Variants in IMMP2L observed in about 807,000 individuals in gnomAD.
The protein encoded by IMMP2L is inner mitochondrial membrane peptidase subunit 2.
IMMP2L carries 18 observed loss-of-function variants against 19.3 expected under a neutral mutation model. The ratio of observed to expected loss-of-function variants is 0.93; its 90% confidence interval spans 0.64 to 1.38. The LOEUF (loss-of-function observed/expected upper bound fraction) is 1.38. IMMP2L is among the 40% of genes most tolerant of loss of function. The pLI is 0.00. For missense variants in IMMP2L, 233 were observed against 218.2 expected, an observed-to-expected ratio of 1.07 and a Z score of -0.43; for synonymous variants, 76 against 73.0, an observed-to-expected ratio of 1.04 and a Z score of -0.21.
At chr7:110,751,060 CTT>C (rs1797686483) in intron 5 of IMMP2L, among the ~76,000 whole-genome samples, 1 of 151,734 alleles carries the variant, frequency 6.6e-6, no homozygotes, top group Non-Finnish European at 1.5e-5. Context: ...AGTAGAATGT[CTT>C]GTTTCTTTTA....
At chr7:111,518,364 C>T (rs962938300) in intron 2 of IMMP2L, among the ~76,000 whole-genome samples, 1 of 152,052 alleles carries the variant, frequency 6.6e-6, no homozygotes, top group Non-Finnish European at 1.5e-5. Context: ...TATTACACCT[C>T]CCTTTAATGA....
intron 3 of IMMP2L, among the ~76,000 whole-genome samples, chr7:111,333,472 A>G (rs1244338922): frequency 1.3e-5 from 2 of 152,004 alleles, no homozygotes; most frequent in South Asian, 2.1e-4. Flanking sequence ...TTTGAAGACT[A>G]TGATTTCAGG....
chr7:111,135,970 G>A lies in IMMP2L; in HGVS notation c.240-172405C>T, dbSNP rs376274651. Among the ~76,000 whole-genome samples, 11 of 152,022 alleles carry A rather than the reference G, an allele frequency of 7.2e-5. No individual in the cohort carries two copies. The East Asian group carries it at 2.1e-3, about 29-fold the overall frequency. On this transcript the variant is annotated intron_variant, in intron 3 of 5. Coordinates refer to ENST00000405709, the MANE Select transcript of IMMP2L (RefSeq NM_032549.4). Reference sequence around the variant, plus strand: ...CAGCCCTCAAACCTCCCAATGATGTGACTGACAGACATTACCATTATATAG... The same window carrying A: ...CAGCCCTCAAACCTCCCAATGATGTAACTGACAGACATTACCATTATATAG...
At position 110,701,873 on chromosome 7, in the gene IMMP2L, C is replaced by A. The variant is rs545897116; in HGVS notation, c.409-38152G>T. ...CCTATCCTATTACGGTATATTAGCT[C>A]TAATTTGATTTCTATATGTGTATAG... On this transcript the variant is annotated intron_variant, in intron 5 of 5. Transcript: ENST00000405709. Among the ~76,000 whole-genome samples the A allele has an allele frequency of 4.6e-5, 7 of 152,282 alleles. No individual in the cohort carries two copies. The East Asian group carries it at 9.6e-4, about 21-fold the overall frequency.
chr7:110,672,804 C>T (rs1413771300), intron 5 of IMMP2L, among the ~76,000 whole-genome samples: 2 of 152,194 alleles, frequency 1.3e-5, no homozygotes, highest in East Asian at 3.9e-4. Context: ...AAGAGGTGAG[C>T]TCCAATGGCC....
intron 3 of IMMP2L, among the ~76,000 whole-genome samples, chr7:111,476,412 G>T (rs574047280): frequency 6.6e-6 from 1 of 152,272 alleles, no homozygotes; most frequent in Admixed American, 6.5e-5. Context: ...TTTTAGAACT[G>T]TTTGTATTTT....
chr7:110,683,510 C>T (rs1389110739), intron 5 of IMMP2L, among the ~76,000 whole-genome samples: 2 of 152,028 alleles, frequency 1.3e-5, no homozygotes, highest in Admixed American at 1.3e-4. Flanking sequence ...TATGATCTAT[C>T]TGTTCACTTT....
intron 3 of IMMP2L, among the ~76,000 whole-genome samples, chr7:111,001,184 A>T (rs2129561298): frequency 6.6e-6 from 1 of 152,266 alleles, no homozygotes; most frequent in South Asian, 2.1e-4. Flanking sequence ...TCATTTTTAA[A>T]TCTCCTATAC....
intron 2 of IMMP2L, among the ~76,000 whole-genome samples, chr7:111,503,554 T>G (rs1217818764): frequency 6.6e-6 from 1 of 152,064 alleles, no homozygotes; most frequent in African/African-American, 2.4e-5. Flanking sequence ...TGATGAACAT[T>G]GATGCAAAAA....
chr7:110,738,250 A>G (rs949433147), intron 5 of IMMP2L, among the ~76,000 whole-genome samples: 1 of 152,270 alleles, frequency 6.6e-6, no homozygotes, highest in Non-Finnish European at 1.5e-5. Flanking sequence ...AAGGTTGATT[A>G]TTAAGCTAAT....
At chr7:111,190,653 C>T (rs1189700719) in intron 3 of IMMP2L, among the ~76,000 whole-genome samples, 1 of 151,986 alleles carries the variant, frequency 6.6e-6, no homozygotes, top group Non-Finnish European at 1.5e-5. Flanking sequence ...TGACCTTGGG[C>T]AGGTGACAGT....
At chr7:111,442,469 C>G (rs1014428707) in intron 3 of IMMP2L, among the ~76,000 whole-genome samples, 2 of 151,776 alleles carry the variant, frequency 1.3e-5, no homozygotes, top group Non-Finnish European at 2.9e-5. Context: ...TTACCCCTTT[C>G]ATGACCCTTT....
In IMMP2L at chr7:111,276,551, T is replaced by G. The variant is rs181506033; in HGVS notation, c.239+210687A>C. 2.8e-4 allele frequency among the ~76,000 whole-genome samples: 43 copies of G among 151,780 alleles called. No individual in the cohort carries two copies. In the East Asian group the frequency reaches 7.2e-3, roughly 25 times the overall value. ...AGTTCTTCTTTATTATTTGGTAGAA[T>G]TCAGCTGTGATCCCATCTGATCCTG... On this transcript the variant is annotated intron_variant, in intron 3 of 5. Transcript: ENST00000405709.
At chr7:111,503,348 A>C (rs1228015210) in intron 2 of IMMP2L, among the ~76,000 whole-genome samples, 1 of 152,144 alleles carries the variant, frequency 6.6e-6, no homozygotes, top group Non-Finnish European at 1.5e-5. Flanking sequence ...AACCAAAAAA[A>C]GTCCAGGACC....
intron 5 of IMMP2L, among the ~76,000 whole-genome samples, chr7:110,873,856 A>G (rs1036219513): frequency 8.6e-5 from 13 of 152,018 alleles, no homozygotes; most frequent in African/African-American, 3.1e-4. Flanking sequence ...GTGAAAGGTT[A>G]CTAGATTTCC....
At chr7:111,243,321 T>G (rs1015851847) in intron 3 of IMMP2L, among the ~76,000 whole-genome samples, 10 of 152,152 alleles carry the variant, frequency 6.6e-5, no homozygotes, top group Middle Eastern at 3.4e-3. Context: ...TTAAAAACTA[T>G]GACATAACTG....
chr7:110,910,760 T>G (rs536096222), intron 4 of IMMP2L, among the ~76,000 whole-genome samples: 1 of 152,280 alleles, frequency 6.6e-6, no homozygotes, highest in African/African-American at 2.4e-5. Context: ...CATGGACAGA[T>G]GAAGTTCATA....
intron 3 of IMMP2L, among the ~76,000 whole-genome samples, chr7:111,154,501 C>T (rs28447649): frequency 0.066 from 10,060 of 152,058 alleles, 712 homozygotes; most frequent in African/African-American, 0.17. Flanking sequence ...TCCCTTTTTA[C>T]CACTACAATT....
rs58848663 is a variant in IMMP2L at position 111,270,057 on chromosome 7, C to CTGTGTGTG, written c.239+217173_239+217180dup. 1.3e-3 allele frequency among the ~76,000 whole-genome samples: 186 copies of CTGTGTGTG among 140,632 alleles called. 2 individuals are homozygous for CTGTGTGTG. The highest frequency in any genetic ancestry group is 2.8e-3 in the African/African-American group (107 of 38,574). The allele number at this position is 140,632 out of a possible 152,430, so 92.3% of individuals were successfully genotyped here. A position where few individuals can be genotyped will look rare whatever the true frequency, so the allele number is the denominator to read the frequency against. Reference sequence around the variant, plus strand: ...TTTGTGTGTGTGCATGCATGTGTGTCTGTGTGTGTGTGTGTGTGTGTGTGT... The same window carrying CTGTGTGTG: ...TTTGTGTGTGTGCATGCATGTGTGTCTGTGTGTGTGTGTGTGTGTGTGTGTGTGTGTGT... On this transcript the variant is annotated intron_variant, in intron 3 of 5. Transcript: ENST00000405709.
Sources: allele counts gnomAD v4.1 joint callset (sites outside exome capture counted in the v4.1 genomes callset), GRCh38; gene constraint gnomAD v4.1.1; transcripts MANE v1.5; gene names NCBI Gene and HGNC (gene_info 2026-07-23, HGNC 2026-07-21).